COL21A1: variants seen among roughly 807,000 people sequenced by gnomAD.
The protein encoded by COL21A1 is collagen type XXI alpha 1 chain.
Under a neutral mutation model 137.9 loss-of-function variants are expected in COL21A1, and 149 were observed. The ratio of observed to expected loss-of-function variants is 1.08; its 90% CI spans 0.95 to 1.24. COL21A1 has a LOEUF of 1.24. Among genes scored for constraint, COL21A1 ranks in the 50% most tolerant of loss-of-function variants. COL21A1 has a pLI of 0.00. For synonymous variants in COL21A1, 456 were observed against 391.5 expected, an observed-to-expected ratio of 1.16 and a Z score of -1.95; for missense variants, 1,167 against 1,158.4, an observed-to-expected ratio of 1.01 and a Z score of -0.11.
At chr6:56,257,877 T>C (rs1252277737) in intron 1 of COL21A1, among the ~76,000 whole-genome samples, 2 of 152,148 alleles carry the variant, frequency 1.3e-5, no homozygotes, top group East Asian at 3.8e-4. Context: ...TTGCATTAAA[T>C]TATAGTATTA....
At chr6:56,196,839 C>T (rs769126899) in intron 1 of COL21A1, among the ~76,000 whole-genome samples, 1 of 152,032 alleles carries the variant, frequency 6.6e-6, no homozygotes, top group Non-Finnish European at 1.5e-5. Flanking sequence ...CAATCATTAT[C>T]AAGATCCCAA....
chr6:56,157,064 A>C, intron 9 of COL21A1, 115 bp from the exon 10 acceptor site: 1 of 581,818 alleles, frequency 1.7e-6, no homozygotes, highest in Non-Finnish European at 2.8e-6. Context: ...GTATGTTAAA[A>C]ACAAAAGTAA....
intron 1 of COL21A1, among the ~76,000 whole-genome samples, chr6:56,322,105 T>C (rs2152341492): frequency 1.3e-5 from 2 of 152,234 alleles, no homozygotes; most frequent in Middle Eastern, 6.8e-3. Context: ...AAAAAGGTCA[T>C]GGTCACTGGT....
chr6:56,356,972 G>A (rs916672915), intron 1 of COL21A1, among the ~76,000 whole-genome samples: 2 of 152,060 alleles, frequency 1.3e-5, no homozygotes, highest in African/African-American at 4.8e-5. Flanking sequence ...TCAGTATTCT[G>A]TGCATTTTTT....
intron 17 of COL21A1, among the ~76,000 whole-genome samples, chr6:56,080,722 A>C (rs1251807213): frequency 6.6e-6 from 1 of 151,902 alleles, no homozygotes; most frequent in Non-Finnish European, 1.5e-5. Context: ...ACCTTTCTAC[A>C]CAATGGTAGA....
chr6:56,211,159 GTGTGTATATGTATATATACATATATA>G (rs1273795184), intron 1 of COL21A1, among the ~76,000 whole-genome samples: 1 of 85,064 alleles, frequency 1.2e-5, no homozygotes, highest in East Asian at 4.2e-4. Context: ...TGTAAATTTT[GTGTGTATATGTATATATACATATATA>G]TGTATATATG....
intron 17 of COL21A1, among the ~76,000 whole-genome samples, chr6:56,098,446 T>TAA (rs1179568947): frequency 1.3e-4 from 1 of 7,960 alleles, no homozygotes; most frequent in Non-Finnish European, 1.8e-4. Flanking sequence ...TATAAATATA[T>TAA]ATATATATAT....
At chr6:56,142,757 A>C (rs1774512492) in intron 10 of COL21A1, among the ~76,000 whole-genome samples, 1 of 152,240 alleles carries the variant, frequency 6.6e-6, no homozygotes, top group Non-Finnish European at 1.5e-5. Flanking sequence ...ACCTACAAAC[A>C]TAATAACCAC....
At chr6:56,219,800 A>AT (rs1188481118) in intron 1 of COL21A1, among the ~76,000 whole-genome samples, 6 of 152,078 alleles carry the variant, frequency 3.9e-5, no homozygotes, top group Non-Finnish European at 7.4e-5. Context: ...TTGCCCATCT[A>AT]TCCACTGACT....
At chr6:56,128,787 C>G (rs12201429) in intron 12 of COL21A1, among the ~76,000 whole-genome samples, 1 of 151,982 alleles carries the variant, frequency 6.6e-6, no homozygotes, top group African/African-American at 2.4e-5. Flanking sequence ...CCTGAGTAGC[C>G]GGGATTACAG....
chr6:56,071,956 G>A (rs1328413216), intron 20 of COL21A1, among the ~76,000 whole-genome samples: 1 of 151,298 alleles, frequency 6.6e-6, no homozygotes, highest in African/African-American at 2.4e-5. Context: ...TTTTTATGAT[G>A]CTCTTCCACT....
intron 1 of COL21A1, among the ~76,000 whole-genome samples, chr6:56,298,563 A>G (rs1450038683): frequency 6.6e-6 from 1 of 152,010 alleles, no homozygotes; most frequent in Non-Finnish European, 1.5e-5. Flanking sequence ...AGTAATAAGG[A>G]GTGAAAAGGA....
intron 1 of COL21A1, among the ~76,000 whole-genome samples, chr6:56,236,890 A>G (rs1471546097): frequency 6.6e-6 from 1 of 152,000 alleles, no homozygotes; most frequent in Non-Finnish European, 1.5e-5. Flanking sequence ...GAAAGTGATG[A>G]AATATACAGT....
intron 1 of COL21A1, among the ~76,000 whole-genome samples, chr6:56,292,842 T>C (rs1764084683): frequency 6.6e-6 from 1 of 152,220 alleles, no homozygotes; most frequent in African/African-American, 2.4e-5. Flanking sequence ...GTCTAGTATT[T>C]TGAATTTAAA....
intron 1 of COL21A1, among the ~76,000 whole-genome samples, chr6:56,220,329 CA>C (rs1471040260): frequency 6.6e-6 from 1 of 152,058 alleles, no homozygotes; most frequent in Non-Finnish European, 1.5e-5. Context: ...GGAATCCAAG[CA>C]AATAACTGAC....
intron 1 of COL21A1, chr6:56,331,848 A>G (rs1200467402): frequency 6.8e-6 from 1 of 146,876 alleles, no homozygotes; most frequent in Admixed American, 7.5e-5. Context: ...GGTACATAAA[A>G]TCGAAAGCAA....
chr6:56,300,722 A>G (rs1764259191), intron 1 of COL21A1, among the ~76,000 whole-genome samples: 1 of 152,134 alleles, frequency 6.6e-6, no homozygotes, highest in South Asian at 2.1e-4. Flanking sequence ...TAATTAGCCA[A>G]AATAAATAGA....
In COL21A1 at chr6:56,067,255, T is replaced by A. The variant is rs1209930359; in HGVS notation, c.2127+40A>T. The A allele has an allele frequency of 3.9e-6, 6 of 1,539,856 alleles. No individual in the cohort carries two copies. The East Asian group carries it at 9.0e-5, about 23-fold the overall frequency. On this transcript the variant is annotated intron_variant, in intron 23 of 29. Coordinates refer to ENST00000244728, the MANE Select transcript of COL21A1 (RefSeq NM_030820.4). ...AATAAGAACTTTTTAAAAGCTCTGATTTTATTGCTCAGCCTACTAAAAAAA... is the reference window on the plus strand; with the variant it reads ...AATAAGAACTTTTTAAAAGCTCTGAATTTATTGCTCAGCCTACTAAAAAAA...
At position 56,179,790 on chromosome 6, in the gene COL21A1, G is replaced by A. The variant is rs372065490; in HGVS notation, c.428C>T (p.Thr143Met). The A allele has an allele frequency of 8.0e-5, 129 of 1,613,734 alleles. No individual in the cohort carries two copies. Among genetic ancestry groups the A allele is most frequent in the Middle Eastern group, 1.6e-4 (1 of 6,084 alleles). ...RFLTKIAVVL[T>M]DGKSQDDVKD... ...GACGTCATCTTGGGATTTGCCATCC[G>A]TAAGTACCACTGCTATCTTAGTCAG... Residue 143 changes from threonine to methionine, a missense_variant, in exon 3 of 30, where the codon ACG becomes ATG. Thr to Met is a moderately conservative substitution (Grantham distance 81). Coordinates refer to ENST00000244728, the MANE Select transcript of COL21A1 (RefSeq NM_030820.4).
Sources: gnomAD v4.1 joint callset for allele counts (sites outside exome capture counted in the v4.1 genomes callset) on GRCh38, gnomAD v4.1.1 for gene constraint, MANE v1.5 for transcripts, NCBI Gene and HGNC (gene_info 2026-07-23, HGNC 2026-07-21) for gene names.